The following CD300LB variants were observed in gnomAD, a reference collection of about 807,000 sequenced individuals.
CD300LB encodes the protein CMRF35-like molecule 7.
Under a neutral mutation model 20.8 loss-of-function variants are expected in CD300LB, and 18 were observed. That is an observed-to-expected ratio of 0.87 (90% CI 0.60 to 1.28). The LOEUF (loss-of-function observed/expected upper bound fraction) is 1.28, where lower values mean the gene tolerates loss of function less well. Ranked by LOEUF, CD300LB falls within the 50% of genes most tolerant of loss-of-function variation. The probability of loss-of-function intolerance (pLI) is 0.00; values close to 1 mark genes in which losing one functional copy is unlikely to be tolerated. For missense variants in CD300LB, 222 were observed against 251.8 expected (o/e 0.88, Z 0.80); for synonymous variants, 91 against 91.3 (o/e 1.00, Z 0.02).
At chr17:74,525,623 CT>C in intron 2 of CD300LB, 124 bp downstream of exon 2, 1 of 291,570 alleles carries the variant, frequency 3.4e-6, no homozygotes, top group Non-Finnish European at 6.1e-6. Flanking sequence ...GTCTGTCTGT[CT>C]CTCTCTCTCT....
intron 1 of CD300LB, among the ~76,000 whole-genome samples, chr17:74,527,826 A>G (rs545029906): frequency 2.0e-5 from 3 of 152,332 alleles, no homozygotes; most frequent in Admixed American, 2.0e-4. Context: ...ACAGACTAGT[A>G]ACAGCCCATG....
intron 1 of CD300LB, among the ~76,000 whole-genome samples, chr17:74,526,864 C>G (rs1437801245): frequency 6.6e-6 from 1 of 152,208 alleles, no homozygotes; most frequent in African/African-American, 2.4e-5. Context: ...GTGAGCCAGC[C>G]CCAGCACACT....
chr17:74,530,409 G>C (rs1908168221), intron 1 of CD300LB, among the ~76,000 whole-genome samples: 1 of 152,034 alleles, frequency 6.6e-6, no homozygotes. Context: ...AGCCTGGCGT[G>C]GATGGCCTTC....
intron 3 of CD300LB, 163 bp from the exon 4 acceptor site, chr17:74,523,063 C>A: frequency 3.1e-6 from 2 of 640,222 alleles, no homozygotes; most frequent in Non-Finnish European, 5.4e-6. Context: ...CTCAAGGGGT[C>A]CTCCAACAGT....
At chr17:74,529,468 T>C (rs1193532276) in intron 1 of CD300LB, among the ~76,000 whole-genome samples, 1 of 152,098 alleles carries the variant, frequency 6.6e-6, no homozygotes, top group Non-Finnish European at 1.5e-5. Flanking sequence ...CTCCTCCTCC[T>C]CATCAGCTGC....
chr17:74,523,595 T>C lies in CD300LB; in HGVS notation c.427A>G (p.Ile143Val), dbSNP rs1402143137. ...ATGACTCACCTCTTGTGGGAGCCGA[T>C]GAACACTGCCATATTGCTGTTGGTA... ...SPTNSNMAVF[I>V]GSHKRNHYML... The change falls in exon 3 of 4, where the codon ATC (isoleucine) becomes GTC (valine). Residue 143 changes from isoleucine to valine, a missense_variant. By Grantham distance (29) the Ile-to-Val change is conservative (BLOSUM62 3). Coordinates refer to ENST00000392621, the MANE Select transcript of CD300LB (RefSeq NM_174892.4). 2 of 1,613,176 alleles carry C rather than the reference T, an allele frequency of 1.2e-6. No homozygotes were observed. Among genetic ancestry groups the C allele is most frequent in the Non-Finnish European group, 1.7e-6 (2 of 1,179,114 alleles).
rs376945758 is a variant in CD300LB, at chr17:74,531,377, G to A, written c.-27C>T. On this transcript the variant is annotated 5_prime_UTR_variant, in exon 1 of 4. Coordinates refer to ENST00000392621, the MANE Select transcript of CD300LB (RefSeq NM_174892.4). ...GCTCTGCCTTCCCGGCTCCTCGTCC[G>A]CCTGATCTGCAACCAGTGGCAAATG... 2.0e-5 allele frequency: 32 copies of A among 1,612,806 alleles called. No individual in the cohort carries two copies. The highest frequency in any genetic ancestry group is 9.0e-5 in the East Asian group (4 of 44,660).
At chr17:74,530,141 G>A (rs1908159337) in intron 1 of CD300LB, among the ~76,000 whole-genome samples, 1 of 152,182 alleles carries the variant, frequency 6.6e-6, no homozygotes, top group South Asian at 2.1e-4. Context: ...GACTGGAGTC[G>A]GGTCTCAGAA....
chr17:74,531,251 C>T, intron 1 of CD300LB, 60 bp downstream of exon 1: 7 of 1,457,670 alleles, frequency 4.8e-6, no homozygotes, highest in South Asian at 1.4e-5. Context: ...AGGACAAATG[C>T]CCTCTGCCTC....
intron 2 of CD300LB, among the ~76,000 whole-genome samples, chr17:74,524,964 A>G (rs1203656701): frequency 6.6e-6 from 1 of 152,166 alleles, no homozygotes; most frequent in African/African-American, 2.4e-5. Context: ...CTTTGGTCCC[A>G]ACCCCAACAG....
intron 1 of CD300LB, among the ~76,000 whole-genome samples, chr17:74,530,397 T>C (rs552714487): frequency 5.9e-5 from 9 of 152,310 alleles, no homozygotes; most frequent in African/African-American, 1.9e-4. Context: ...TCTCAGCTCC[T>C]GAGCCTGGCG....
intron 1 of CD300LB, among the ~76,000 whole-genome samples, chr17:74,529,507 C>T (rs1194068773): frequency 6.6e-6 from 1 of 152,018 alleles, no homozygotes; most frequent in Non-Finnish European, 1.5e-5. Flanking sequence ...AAAGTCTTTT[C>T]GGGGCCGGGC....
chr17:74,522,066 T>C lies in CD300LB; in HGVS notation c.*672A>G, dbSNP rs924526261. 2 of 985,172 alleles carry C rather than the reference T, an allele frequency of 2.0e-6. No homozygotes were observed. The highest frequency in any genetic ancestry group is 1.7e-5 in the African/African-American group (1 of 57,148). 61.0% of individuals were successfully genotyped at this position (985,172 alleles called of 1,614,324 possible). ...GGAGGTGGGGGAATAGGCAGGGAGC[T>C]TGGGGAGCTAGGAGGAGGAAGAGGT... is the stretch of plus-strand genomic sequence containing the variant. On this transcript the variant is annotated 3_prime_UTR_variant, in exon 4 of 4. Transcript: ENST00000392621.
chr17:74,531,458 A>T lies in CD300LB; in HGVS notation c.-108T>A, dbSNP rs1230816693. ...CTGAGCTCTGGCTTGCACCTTCTGCACATCTAGACCGCCTTTGACTTTCTT... is the reference window on the plus strand; with the variant it reads ...CTGAGCTCTGGCTTGCACCTTCTGCTCATCTAGACCGCCTTTGACTTTCTT... On this transcript the variant is annotated 5_prime_UTR_variant, in exon 1 of 4. Coordinates refer to ENST00000392621, the MANE Select transcript of CD300LB (RefSeq NM_174892.4). The T allele has an allele frequency of 1.2e-5, 19 of 1,581,154 alleles. No individual in the cohort carries two copies. Among genetic ancestry groups the T allele is most frequent in the Non-Finnish European group, 1.6e-5 (19 of 1,164,686 alleles).
At chr17:74,525,639 CTT>C (rs1908007564) in intron 2 of CD300LB, 107 bp downstream of exon 2, 4 of 919,980 alleles carry the variant, frequency 4.3e-6, no homozygotes, top group East Asian at 2.4e-5. Context: ...CTCTCTCTCT[CTT>C]AGGCTCACCA....
rs977980211 is a variant in CD300LB at position 74,525,401 on chromosome 17, C to A, written c.370+347G>T. Among the ~76,000 whole-genome samples, 8 of 152,134 alleles carry A rather than the reference C, an allele frequency of 5.3e-5. No individual in the cohort carries two copies. In the South Asian group the frequency reaches 1.7e-3, roughly 32 times the overall value. The stretch of plus-strand genomic sequence containing the variant: ...CAGTTAGTGGGACTCAATACTAGGA[C>A]CCCCTGGGCAGCTCTAGGTTCCTTC... On this transcript the variant is annotated intron_variant, in intron 2 of 3. Transcript: ENST00000392621.
Position 74,522,695 on chromosome 17 carries a change from T to C in CD300LB, c.*43A>G. ...TTCCTTCCACAGCCCGAGTCTCTTC[T>C]GGAAACGTGGCCAGGGCAGGAAGGC... On this transcript the variant is annotated 3_prime_UTR_variant, in exon 4 of 4. Coordinates refer to ENST00000392621, the MANE Select transcript of CD300LB (RefSeq NM_174892.4). 6.2e-7 allele frequency: 1 copy of C among 1,610,026 alleles called. No homozygotes were observed. Among genetic ancestry groups the C allele is most frequent in the South Asian group, 1.1e-5 (1 of 90,864 alleles).
rs111333012 is a variant in CD300LB, at chr17:74,525,787, G to T, written c.331C>A (p.Pro111Thr). 1 of 1,614,098 alleles carries T rather than the reference G, an allele frequency of 6.2e-7. No homozygotes were observed. Residue 111 changes from proline to threonine, a missense_variant, in exon 2 of 4, where the codon CCT (proline) becomes ACT (threonine). Physicochemically the swap from Pro to Thr is conservative, Grantham distance 38. Coordinates refer to ENST00000392621, the MANE Select transcript of CD300LB (RefSeq NM_174892.4). ...VYWCGIERRG[P>T]DLGTQVKVIV... ...ACTTTCACTTGAGTCCCAAGGTCAG[G>T]TCCTCTTCTTTCAATCCCACACCAG...
chr17:74,527,920 G>A (rs971323411), intron 1 of CD300LB, among the ~76,000 whole-genome samples: 5 of 152,112 alleles, frequency 3.3e-5, no homozygotes, highest in South Asian at 4.1e-4. Flanking sequence ...GCCACTCCCC[G>A]TTGTTCAAAC....
Sources: gnomAD v4.1 joint callset for allele counts (sites outside exome capture counted in the v4.1 genomes callset) on GRCh38, gnomAD v4.1.1 for gene constraint, MANE v1.5 for transcripts, NCBI Gene and HGNC (gene_info 2026-07-23, HGNC 2026-07-21) for gene names.